Variants in PRDM14 observed in about 807,000 individuals in gnomAD.
PRDM14 encodes the protein PR domain zinc finger protein 14.
Under a neutral mutation model 48.0 loss-of-function variants are expected in PRDM14, and 16 were observed. The observed-to-expected ratio is 0.33, with a 90% CI of 0.23 to 0.51. The LOEUF is 0.51. Ranked by LOEUF, PRDM14 falls within the 20% of genes least tolerant of loss-of-function variation. PRDM14 has a pLI of 0.97. For missense variants in PRDM14, 566 were observed against 719.6 expected (o/e 0.79, Z 2.44); for synonymous variants, 264 against 276.6 (o/e 0.95, Z 0.45).
chr8:70,053,323 TTTCTTCTTC>T (rs145916259), intron 7 of PRDM14, among the ~76,000 whole-genome samples: 1 of 151,114 alleles, frequency 6.6e-6, no homozygotes, highest in Non-Finnish European at 1.5e-5. Context: ...CCTTACTGGT[TTTCTTCTTC>T]TTCTTCTTCT....
intron 6 of PRDM14, 108 bp from the exon 7 acceptor site, chr8:70,055,509 C>CT (rs201316659): frequency 0.042 from 19,006 of 451,538 alleles, no homozygotes; most frequent in Non-Finnish European, 0.049. Context: ...CAATTTTTTT[C>CT]TTTTTTTTTT....
chr8:70,066,475 T>C lies in PRDM14; in HGVS notation c.943A>G (p.Ile315Val), dbSNP rs1442335505. The stretch of plus-strand genomic sequence containing the variant: ...TTCCCCGTACCTCCTTTTCCATCTA[T>C]AAAGTGGCTCAAATGACCATCTTCA... ...IFEDGHLSHF[I>V]DGKGGTGNWM... Residue 315 changes from isoleucine to valine, a missense_variant, in exon 5 of 8, where the codon ATA becomes GTA. Transcript: ENST00000276594. 2.5e-6 allele frequency: 4 copies of C among 1,613,840 alleles called. No individual in the cohort carries two copies. Among genetic ancestry groups the C allele is most frequent in the African/African-American group, 2.7e-5 (2 of 74,924 alleles).
Position 70,069,624 on chromosome 8 carries a change from G to A in PRDM14, c.237C>T (p.Ser79=). ...FPFRMAPPLL[S]PGLGLQREPL... ...GCTCCCTCTGTAGGCCCAGACCCGG[G>A]CTCAGCAAGGGAGGCGCCATCCGGA... Residue 79 remains serine, a synonymous_variant, in exon 2 of 8, where the codon AGC becomes AGT. Coordinates refer to ENST00000276594, the MANE Select transcript of PRDM14 (RefSeq NM_024504.4). 1 of 1,576,342 alleles carries A rather than the reference G, an allele frequency of 6.3e-7. No individual in the cohort carries two copies. The highest frequency in any genetic ancestry group is 8.6e-7 in the Non-Finnish European group (1 of 1,161,382).
intron 6 of PRDM14, among the ~76,000 whole-genome samples, chr8:70,058,191 T>C (rs6994146): frequency 0.95 from 144,723 of 152,278 alleles, 68,833 homozygotes; most frequent in East Asian, 1. Flanking sequence ...ACTTCCTTCT[T>C]ACCTATACCT....
chr8:70,055,845 G>A (rs1805464139), intron 6 of PRDM14, among the ~76,000 whole-genome samples: 1 of 152,136 alleles, frequency 6.6e-6, no homozygotes, highest in East Asian at 1.9e-4. Context: ...GAACTGAACA[G>A]GTTTGTGGTA....
rs1040729633 is a variant in PRDM14 at position 70,069,637 on chromosome 8, G to A, written c.224C>T (p.Pro75Leu). The A allele has an allele frequency of 6.4e-7, 1 of 1,570,374 alleles. No individual in the cohort carries two copies. The highest frequency in any genetic ancestry group is 8.6e-7 in the Non-Finnish European group (1 of 1,158,124). Reference protein sequence around the residue: ...AMPPFPFRMAPPLLSPGLGLQ... With the variant: ...AMPPFPFRMALPLLSPGLGLQ... ...GCCCAGACCCGGGCTCAGCAAGGGA[G>A]GCGCCATCCGGAAGGGGAAGGGGGG... is the stretch of plus-strand genomic sequence containing the variant. The change falls in exon 2 of 8, where the codon CCT becomes CTT. Residue 75 changes from proline to leucine, a missense_variant. Around this residue, in one of 3 missense-constraint regions of PRDM14, gnomAD observed 410 missense variants for 424.6 expected, o/e 0.97. Coordinates refer to ENST00000276594, the MANE Select transcript of PRDM14 (RefSeq NM_024504.4).
At chr8:70,053,672 G>C (rs1805425432) in intron 7 of PRDM14, among the ~76,000 whole-genome samples, 1 of 152,170 alleles carries the variant, frequency 6.6e-6, no homozygotes, top group Non-Finnish European at 1.5e-5. Context: ...TTACAGGTGT[G>C]AGCCACCACG....
rs201853601 is a variant in PRDM14, at chr8:70,052,089, A to T, written c.1704T>A (p.His568Gln). 1 of 1,604,840 alleles carries T rather than the reference A, an allele frequency of 6.2e-7. No homozygotes were observed. Among genetic ancestry groups the T allele is most frequent in the Non-Finnish European group, 8.5e-7 (1 of 1,175,158 alleles). Residue 568 changes from histidine to glutamine, a missense_variant, in exon 8 of 8, where the codon CAT (histidine) becomes CAA (glutamine). His to Gln is a conservative substitution (Grantham distance 24). Transcript: ENST00000276594. ...GTGCCTGGCAGGGCTAGTAGTCTTC[A>T]TGAAACTTCATGTGGGAGTAGAATG... ...QETFYSHMKF[H>Q]EDY
intron 7 of PRDM14, among the ~76,000 whole-genome samples, chr8:70,052,734 G>A (rs776409034): frequency 2.8e-4 from 43 of 151,730 alleles, no homozygotes; most frequent in Middle Eastern, 3.4e-3. Context: ...GCATGCTATC[G>A]TGCACCTTTA....
At chr8:70,062,199 A>C (rs1351478948) in intron 5 of PRDM14, among the ~76,000 whole-genome samples, 7 of 152,212 alleles carry the variant, frequency 4.6e-5, no homozygotes, top group Admixed American at 4.6e-4. Flanking sequence ...CTTGGTTCAG[A>C]ACTGGAACAC....
intron 1 of PRDM14, among the ~76,000 whole-genome samples, chr8:70,070,495 G>A (rs546957979): frequency 1.3e-5 from 2 of 152,144 alleles, no homozygotes; most frequent in African/African-American, 4.8e-5. Flanking sequence ...CCCGCGACCT[G>A]CTCTGGCCCA....
chr8:70,063,915 ACAGAT>A (rs1805625245), intron 5 of PRDM14, among the ~76,000 whole-genome samples: 1 of 152,202 alleles, frequency 6.6e-6, no homozygotes, highest in Non-Finnish European at 1.5e-5. Context: ...TTAGAGCTCC[ACAGAT>A]CATAGAGAAT....
intron 4 of PRDM14, among the ~76,000 whole-genome samples, chr8:70,067,249 G>C (rs192166074): frequency 1.3e-5 from 2 of 152,288 alleles, no homozygotes; most frequent in Non-Finnish European, 2.9e-5. Context: ...GGCCGGGCCT[G>C]GTGGCTCACA....
chr8:70,058,923 A>T, intron 5 of PRDM14, 81 bp from the exon 6 acceptor site: 1 of 1,187,188 alleles, frequency 8.4e-7, no homozygotes, highest in Non-Finnish European at 1.2e-6. Flanking sequence ...TTATTTATTT[A>T]TTTTTAGCCA....
intron 5 of PRDM14, among the ~76,000 whole-genome samples, chr8:70,059,472 A>G (rs957440436): frequency 6.6e-5 from 10 of 151,572 alleles, no homozygotes; most frequent in African/African-American, 2.4e-4. Flanking sequence ...GGGTTTCACC[A>G]TCTTGGCCAG....
chr8:70,060,853 G>T (rs1017255125), intron 5 of PRDM14, among the ~76,000 whole-genome samples: 1 of 152,192 alleles, frequency 6.6e-6, no homozygotes. Context: ...TCACAGTGCT[G>T]TTCTATTCTA....
At chr8:70,065,488 C>G (rs1319481727) in intron 5 of PRDM14, among the ~76,000 whole-genome samples, 3 of 152,004 alleles carry the variant, frequency 2.0e-5, no homozygotes, top group Non-Finnish European at 4.4e-5. Flanking sequence ...GGACCAGGGA[C>G]CAGGACCAGC....
chr8:70,068,415 G>A (rs768650780), intron 3 of PRDM14, 28 bp from the exon 4 acceptor site: 4 of 1,614,184 alleles, frequency 2.5e-6, no homozygotes, highest in Admixed American at 1.7e-5. Flanking sequence ...CAGGAAAAGA[G>A]AATGAGGAGA....
intron 5 of PRDM14, among the ~76,000 whole-genome samples, chr8:70,064,909 C>T (rs1319184091): frequency 3.4e-5 from 5 of 146,724 alleles, no homozygotes; most frequent in East Asian, 2.0e-4. Flanking sequence ...TTTTTGGAGA[C>T]GGAGTCTTAC....
Sources: gnomAD v4.1 joint callset for allele counts (sites outside exome capture counted in the v4.1 genomes callset) on GRCh38, gnomAD v4.1.1 for gene constraint, gnomAD v4.1.1 regional missense constraint, MANE v1.5 for transcripts, NCBI Gene and HGNC (gene_info 2026-07-23, HGNC 2026-07-21) for gene names.